Variants in TSPAN6 observed in about 807,000 individuals in gnomAD.
TSPAN6 encodes tetraspanin 6, also known as tetraspanin-6.
Under a neutral mutation model 18.0 loss-of-function variants are expected in TSPAN6, and 13 were observed. The ratio of observed to expected loss-of-function variants is 0.72; its 90% CI spans 0.47 to 1.15. TSPAN6 has a LOEUF of 1.15. TSPAN6 is among the 50% of genes most tolerant of loss of function. TSPAN6 has a pLI of 0.00. For synonymous variants in TSPAN6, 82 were observed against 67.0 expected (o/e 1.22, Z -1.09); for missense variants, 186 against 183.9 (o/e 1.01, Z -0.07).
intron 3 of TSPAN6, 45 bp from the exon 4 acceptor site, chrX:100,634,074 G>A (rs1199748654): frequency 1.0e-6 from 1 of 999,106 alleles, no homozygotes; most frequent in Middle Eastern, 2.7e-4. Context: ...CCTCTAGAAA[G>A]TTTTTGGTTT....
chrX:100,630,953 C>T, intron 6 of TSPAN6, 87 bp from the exon 7 acceptor site: 2 of 724,475 alleles, frequency 2.8e-6, no homozygotes, highest in Non-Finnish European at 4.2e-6. Flanking sequence ...TTGTAATTCG[C>T]TTATAATTTT....
At chrX:100,635,407 T>C in intron 2 of TSPAN6, 151 bp downstream of exon 2, 1 of 661,262 alleles carries the variant, frequency 1.5e-6, no homozygotes, top group Non-Finnish European at 2.3e-6. Flanking sequence ...ATTTTGAAAG[T>C]GGAAACTGGC....
intron 3 of TSPAN6, among the ~76,000 whole-genome samples, chrX:100,634,585 G>T (rs1364039902): frequency 3.6e-5 from 4 of 110,137 alleles, no homozygotes; most frequent in Admixed American, 2.9e-4. Context: ...TCCATCTCCC[G>T]GGTTCATGCC....
At chrX:100,636,285 G>A (rs41304458) in intron 1 of TSPAN6, 8 of 854,196 alleles carry the variant, frequency 9.4e-6, no homozygotes, top group Non-Finnish European at 1.1e-5. Flanking sequence ...GCTTGCCTTT[G>A]CAAAGGTCCA....
Position 100,628,342 on chromosome X carries a change from A to C in TSPAN6, c.*1684T>G. 1 of 111,708 alleles carries C rather than the reference A, an allele frequency of 9.0e-6. No homozygotes were observed. The highest frequency in any genetic ancestry group is 1.9e-5 in the Non-Finnish European group (1 of 53,214). 9.2% of individuals were successfully genotyped at this position (111,708 alleles called of 1,213,427 possible). A position where few individuals can be genotyped will look rare whatever the true frequency, so the allele number is the denominator to read the frequency against. ...CACATCAAATGTTCTAATGGAGAAT[A>C]TCATTTTTCTGCAATAACTCCAAGC... On this transcript the variant is annotated 3_prime_UTR_variant, in exon 8 of 8. Transcript: ENST00000373020.
chrX:100,636,480 G>A, intron 1 of TSPAN6, 128 bp downstream of exon 1: 1 of 1,014,923 alleles, frequency 9.9e-7, no homozygotes, highest in Non-Finnish European at 1.3e-6. Context: ...CCGGCGTCGG[G>A]GTCCCAGGCG....
chrX:100,635,431 C>T, intron 2 of TSPAN6, 127 bp downstream of exon 2: 1 of 712,546 alleles, frequency 1.4e-6, no homozygotes, highest in Non-Finnish European at 2.0e-6. Flanking sequence ...TGAACTGTTA[C>T]TTGATAAGTT....
chrX:100,628,669 T>C lies in TSPAN6; in HGVS notation c.*1357A>G, dbSNP rs2147622955. 1 of 112,515 alleles carries C rather than the reference T, an allele frequency of 8.9e-6. No individual in the cohort carries two copies. Among genetic ancestry groups the C allele is most frequent in the African/African-American group, 3.2e-5 (1 of 31,054 alleles). The allele number at this position is 112,515 out of a possible 1,213,427, so 9.3% of individuals were successfully genotyped here. A position where few individuals can be genotyped will look rare whatever the true frequency, so the allele number is the denominator to read the frequency against. On this transcript the variant is annotated 3_prime_UTR_variant, in exon 8 of 8. Transcript: ENST00000373020. ...ACTATACAATCAAAAAAGTCTGATC[T>C]CTAGGAGAACACTAGTCATATGCTA...
rs753436909 is a variant in TSPAN6 at position 100,633,498 on chromosome X, A to T, written c.492T>A (p.Asp164Glu). The T allele has an allele frequency of 5.0e-6, 6 of 1,202,780 alleles. No homozygotes were observed. In the South Asian group the frequency reaches 1.1e-4, roughly 22 times the overall value. The change falls in exon 5 of 8, where the codon GAT (aspartate) becomes GAA (glutamate). Residue 164 changes from aspartate to glutamate, a missense_variant. Coordinates refer to ENST00000373020, the MANE Select transcript of TSPAN6 (RefSeq NM_003270.4). ...ATCCTTTTTCTGAGTAATAATTAGT[A>T]TCTGTCCAATCTCTATAATCGGTGA... ...CGVTDYRDWT[D>E]TNYYSEKGFP... is the part of the protein sequence containing the mutation.
chrX:100,636,798 TC>T lies in TSPAN6; in HGVS notation c.-105del. On this transcript the variant is annotated 5_prime_UTR_variant, in exon 1 of 8. Transcript: ENST00000373020. Reference sequence around the variant, plus strand: ...GGAAACTGCCGAAAACTTACGAGCGTCCACAACTGAGAAGGGCCGGAAACAC... The same window carrying T: ...GGAAACTGCCGAAAACTTACGAGCGTCACAACTGAGAAGGGCCGGAAACAC... 1 of 898,541 alleles carries T rather than the reference TC, an allele frequency of 1.1e-6. No individual in the cohort carries two copies. The highest frequency in any genetic ancestry group is 1.5e-6 in the Non-Finnish European group (1 of 668,892). The allele number at this position is 898,541 out of a possible 1,213,427, so 74.0% of individuals were successfully genotyped here.
chrX:100,632,321 C>T (rs1265648198), intron 6 of TSPAN6, among the ~76,000 whole-genome samples, 164 bp downstream of exon 6: 2 of 110,491 alleles, frequency 1.8e-5, no homozygotes, highest in African/African-American at 6.6e-5. Context: ...GTGGGAGAAT[C>T]GCTTGAACCC....
At position 100,633,553 on chromosome X, in the gene TSPAN6, C is replaced by A; in HGVS notation, c.451-14G>T. ...ACAACAATGCAACTGAAAAACCCAACAAAAGCATTTACAGTTTATATTACA... is the reference window on the plus strand; with the variant it reads ...ACAACAATGCAACTGAAAAACCCAAAAAAAGCATTTACAGTTTATATTACA... On this transcript the variant is annotated splice_polypyrimidine_tract_variant and intron_variant, in intron 4 of 7. Transcript: ENST00000373020. The A allele has an allele frequency of 8.5e-7, 1 of 1,180,844 alleles. No individual in the cohort carries two copies.
chrX:100,630,418 G>A (rs1176632938), intron 7 of TSPAN6, among the ~76,000 whole-genome samples: 8 of 111,568 alleles, frequency 7.2e-5, no homozygotes, highest in Admixed American at 1.9e-4. Flanking sequence ...GTCATTCTTG[G>A]GATTCTTTGT....
In TSPAN6 at chrX:100,630,646, G is replaced by C. The variant is rs2234094; in HGVS notation, c.*39+113C>G. On this transcript the variant is annotated intron_variant, in intron 7 of 7. Coordinates refer to ENST00000373020, the MANE Select transcript of TSPAN6 (RefSeq NM_003270.4). ...CACAGGGTTTACATAGCACCAGCTA[G>C]ATTTAAATATATTACTAGACAAGAC... 472 of 535,158 alleles carry C rather than the reference G, an allele frequency of 8.8e-4. 2 individuals are homozygous for C. In the African/African-American group the frequency reaches 9.5e-3, roughly 11 times the overall value. 44.1% of individuals were successfully genotyped at this position (535,158 alleles called of 1,213,427 possible).
intron 3 of TSPAN6, among the ~76,000 whole-genome samples, chrX:100,634,642 C>T (rs1490912172): frequency 9.0e-6 from 1 of 110,521 alleles, no homozygotes; most frequent in Non-Finnish European, 1.9e-5. Flanking sequence ...CAGGCACCTA[C>T]CACCACGCCC....
intron 5 of TSPAN6, 101 bp downstream of exon 5, chrX:100,633,304 G>T: frequency 6.9e-6 from 6 of 874,687 alleles, no homozygotes; most frequent in Non-Finnish European, 9.8e-6. Flanking sequence ...GGGCGACAGA[G>T]CAAGACTCTA....
rs149308632 is a variant in TSPAN6 at position 100,630,289 on chromosome X, A to C, written c.*40-303T>G. On this transcript the variant is annotated intron_variant, in intron 7 of 7. Coordinates refer to ENST00000373020, the MANE Select transcript of TSPAN6 (RefSeq NM_003270.4). ...CACCAAAAACATCTTTTTACCAAGA[A>C]AGCCACACTCTCAACAACTGATTAA... Among the ~76,000 whole-genome samples the C allele has an allele frequency of 2.2e-3, 249 of 112,326 alleles. 1 individual carries two copies. Among genetic ancestry groups the C allele is most frequent in the African/African-American group, 7.5e-3 (231 of 30,966 alleles).
At chrX:100,630,137 G>C (rs2083048947) in intron 7 of TSPAN6, among the ~76,000 whole-genome samples, 151 bp from the exon 8 acceptor site, 1 of 111,899 alleles carries the variant, frequency 8.9e-6, no homozygotes, top group South Asian at 3.7e-4. Flanking sequence ...GTGCCCTAGG[G>C]ATCAATTCAG....
rs763107476 is a variant in TSPAN6 at position 100,636,648 on chromosome X, C to T, written c.47G>A (p.Cys16Tyr). ...RRLQTKPVITCFKSVLLIYTF... is the reference protein window; with the variant it reads ...RRLQTKPVITYFKSVLLIYTF... Reference sequence around the variant, plus strand: ...GTAGATTAGCAGAACGCTCTTGAAACAAGTAATGACTGGTTTAGTCTGCAG... The same window carrying T: ...GTAGATTAGCAGAACGCTCTTGAAATAAGTAATGACTGGTTTAGTCTGCAG... Residue 16 changes from cysteine to tyrosine, a missense_variant, in exon 1 of 8, where the codon TGT becomes TAT. Cys to Tyr is a radical substitution (Grantham distance 194). Coordinates refer to ENST00000373020, the MANE Select transcript of TSPAN6 (RefSeq NM_003270.4). 2 of 1,206,289 alleles carry T rather than the reference C, an allele frequency of 1.7e-6. No homozygotes were observed. Among genetic ancestry groups the T allele is most frequent in the East Asian group, 6.0e-5 (2 of 33,552 alleles).
Sources: gnomAD v4.1 joint callset for allele counts (sites outside exome capture counted in the v4.1 genomes callset) on GRCh38, gnomAD v4.1.1 for gene constraint, MANE v1.5 for transcripts, NCBI Gene and HGNC (gene_info 2026-07-23, HGNC 2026-07-21) for gene names.